ADAM20: variants seen among roughly 807,000 people sequenced by gnomAD.
The protein encoded by ADAM20 is ADAM metallopeptidase domain 20.
For missense variants in ADAM20, 871 were observed against 883.2 expected, an observed-to-expected ratio of 0.99 and a Z score of 0.18; for synonymous variants, 305 against 310.2, an observed-to-expected ratio of 0.98 and a Z score of 0.18.
At chr14:70,545,434 G>A in the ADAM20 span, among the ~76,000 whole-genome samples, 2 of 152,152 alleles carry the variant, frequency 1.3e-5, no homozygotes, top group Non-Finnish European at 2.9e-5. Flanking sequence ...CCTGACACCT[G>A]CCCAAAGAGG....
chr14:70,579,221 C>T, the ADAM20 span, among the ~76,000 whole-genome samples: 5 of 152,020 alleles, frequency 3.3e-5, no homozygotes, highest in African/African-American at 7.2e-5. Flanking sequence ...ATTGCTGGGT[C>T]GAATGGGACT....
In ADAM20 at chr14:70,527,745, G is replaced by T. The variant is rs1353744099; in HGVS notation, c.-176-2812C>A. 2.6e-5 allele frequency among the ~76,000 whole-genome samples: 4 copies of T among 152,148 alleles called. No homozygotes were observed. In the East Asian group the frequency reaches 7.7e-4, roughly 29 times the overall value. Reference sequence around the variant, plus strand: ...CAGATCACACCATGTGGCTCTTAAAGTCAATTGACTCTGCCTCCACCACCT... The same window carrying T: ...CAGATCACACCATGTGGCTCTTAAATTCAATTGACTCTGCCTCCACCACCT... On this transcript the variant is annotated intron_variant, in intron 1 of 1. Transcript: ENST00000256389.
At chr14:70,574,205 C>T in the ADAM20 span, among the ~76,000 whole-genome samples, 5 of 152,080 alleles carry the variant, frequency 3.3e-5, no homozygotes, top group East Asian at 1.9e-4. Flanking sequence ...CATTCACAAA[C>T]GTGGAAATTA....
the ADAM20 span, among the ~76,000 whole-genome samples, chr14:70,543,277 A>G: frequency 6.6e-6 from 1 of 152,172 alleles, no homozygotes; most frequent in African/African-American, 2.4e-5. Flanking sequence ...CCCTTGGGGG[A>G]ATGCTTTACC....
chr14:70,523,180 T>C lies in ADAM20; in HGVS notation c.1578A>G (p.Ala526=). ...KEIFGQDARS[A]SQSCYQEINT... is the part of the protein sequence containing the mutation. ...TGATTTCTTGGTAGCAACTCTGAGA[T>C]GCACTCCTTGCATCTTGGCCAAAAA... The change falls in exon 2 of 2, where the codon GCA becomes GCG. Residue 526 remains alanine, a synonymous_variant. Transcript: ENST00000256389. 6.2e-7 allele frequency: 1 copy of C among 1,614,038 alleles called. No individual in the cohort carries two copies. Among genetic ancestry groups the C allele is most frequent in the Non-Finnish European group, 8.5e-7 (1 of 1,179,948 alleles).
the ADAM20 span, among the ~76,000 whole-genome samples, chr14:70,570,021 C>A: frequency 6.6e-6 from 1 of 151,396 alleles, no homozygotes. Context: ...TCTGTACATG[C>A]AACATTCTCT....
chr14:70,524,384 A>G lies in ADAM20; in HGVS notation c.374T>C (p.Leu125Pro), dbSNP rs771743089. The G allele has an allele frequency of 3.1e-6, 5 of 1,613,996 alleles. No homozygotes were observed. In the South Asian group the frequency reaches 5.5e-5, roughly 18 times the overall value. ...AAGAAAGCCCCCAGAACAGGTACTA[A>G]GGGCAACCAAGGACTCAGGGACCCC... ...VEGVPESLVALSTCSGGFLGM... is the reference protein window; with the variant it reads ...VEGVPESLVAPSTCSGGFLGM... The change falls in exon 2 of 2, where the codon CTT becomes CCT. Residue 125 changes from leucine (L) to proline (P), a missense_variant. Transcript: ENST00000256389.
chr14:70,561,836 A>G, the ADAM20 span, among the ~76,000 whole-genome samples: 1 of 152,246 alleles, frequency 6.6e-6, no homozygotes, highest in Non-Finnish European at 1.5e-5. Context: ...ACCTCTGCCT[A>G]GGTATCAGAG....
the ADAM20 span, among the ~76,000 whole-genome samples, chr14:70,561,630 C>A: frequency 3.9e-5 from 6 of 152,232 alleles, no homozygotes; most frequent in Non-Finnish European, 7.3e-5. Context: ...CTGGGCAAGG[C>A]CCAGGGCCCA....
At chr14:70,555,220 A>G in the ADAM20 span, among the ~76,000 whole-genome samples, 5 of 152,328 alleles carry the variant, frequency 3.3e-5, no homozygotes, top group South Asian at 1.0e-3. Flanking sequence ...ACAGTATTGT[A>G]TTTTATACTT....
At chr14:70,558,002 T>C in the ADAM20 span, among the ~76,000 whole-genome samples, 8 of 152,308 alleles carry the variant, frequency 5.3e-5, no homozygotes, top group South Asian at 2.1e-4. Flanking sequence ...TAAGGTAGGA[T>C]TGCACTCAGT....
At chr14:70,569,951 C>A in the ADAM20 span, among the ~76,000 whole-genome samples, 5 of 143,120 alleles carry the variant, frequency 3.5e-5, no homozygotes, top group Non-Finnish European at 7.6e-5. Flanking sequence ...ACCAAAAGTA[C>A]CTAATAGACA....
chr14:70,528,072 GGT>G (rs1334800610), intron 1 of ADAM20, among the ~76,000 whole-genome samples: 1 of 152,112 alleles, frequency 6.6e-6, no homozygotes, highest in East Asian at 1.9e-4. Context: ...TTTTATGTGT[GGT>G]TCTACCACAT....
the ADAM20 span, among the ~76,000 whole-genome samples, chr14:70,546,615 C>T: frequency 6.6e-6 from 1 of 151,996 alleles, no homozygotes; most frequent in Admixed American, 6.6e-5. Flanking sequence ...GCATGTTTGC[C>T]CTGAGCAGTT....
Position 70,523,147 on chromosome 14 carries a change from T to C in ADAM20, c.1611A>G (p.Gln537=), listed in dbSNP as rs772238664. Residue 537 remains glutamine (Q), a synonymous_variant, in exon 2 of 2, where the codon CAA becomes CAG. Coordinates refer to ENST00000256389, the MANE Select transcript of ADAM20 (RefSeq NM_003814.5). ...TACCACAGTGACCGAAACGGTTTCC[T>C]TGGGTGTTGATTTCTTGGTAGCAAC... is the stretch of plus-strand genomic sequence containing the variant. ...SQSCYQEINT[Q]GNRFGHCGIV... The C allele has an allele frequency of 8.7e-6, 14 of 1,614,014 alleles. No homozygotes were observed. In the African/African-American group the frequency reaches 1.5e-4, roughly 17 times the overall value.
chr14:70,522,762 T>G lies in ADAM20; in HGVS notation c.1996A>C (p.Lys666Gln). 2 of 1,614,092 alleles carry G rather than the reference T, an allele frequency of 1.2e-6. No homozygotes were observed. The highest frequency in any genetic ancestry group is 1.7e-6 in the Non-Finnish European group (2 of 1,179,948). ...HEWAPPYCKD[K>Q]GYGGSADSGP... ...CTATCAGCACTACCTCCATAGCCTT[T>G]GTCCTTGCAGTATGGGGGTGCCCAT... The change falls in exon 2 of 2, where the codon AAA (lysine) becomes CAA (glutamine). Residue 666 changes from lysine (K) to glutamine (Q), a missense_variant. Lys to Gln is a moderately conservative substitution (Grantham distance 53, BLOSUM62 1). Transcript: ENST00000256389.
the ADAM20 span, among the ~76,000 whole-genome samples, chr14:70,546,699 AAC>A: frequency 3.9e-5 from 6 of 152,174 alleles, no homozygotes; most frequent in Non-Finnish European, 7.3e-5. Context: ...CACCTACATC[AAC>A]AAAAAGGAAA....
the ADAM20 span, among the ~76,000 whole-genome samples, chr14:70,575,219 G>A: frequency 4.0e-5 from 6 of 151,438 alleles, no homozygotes; most frequent in Non-Finnish European, 5.9e-5. Context: ...TTTTGAGGCA[G>A]AGTCTTGCTC....
intron 1 of ADAM20, among the ~76,000 whole-genome samples, chr14:70,534,253 T>C (rs1413750943): frequency 6.6e-6 from 1 of 152,084 alleles, no homozygotes; most frequent in Non-Finnish European, 1.5e-5. Context: ...CTTCCAATGC[T>C]GGAGGTAGGA....
Sources: allele counts gnomAD v4.1 joint callset (sites outside exome capture counted in the v4.1 genomes callset), GRCh38; gene constraint gnomAD v4.1.1; transcripts MANE v1.5; gene names NCBI Gene and HGNC (gene_info 2026-07-23, HGNC 2026-07-21).